The following C3orf20 variants were observed in gnomAD, a reference collection of about 807,000 sequenced individuals.
C3orf20 encodes the protein family with sequence similarity 149 member C.
A neutral mutation model predicts 88.3 loss-of-function variants in C3orf20; 76 were observed. The observed-to-expected ratio is 0.86, with a 90% CI of 0.72 to 1.04. The LOEUF (loss-of-function observed/expected upper bound fraction) is 1.04, where lower values mean the gene tolerates loss of function less well. Among genes scored for constraint, C3orf20 ranks in the 50% least tolerant of loss-of-function variants. The probability of loss-of-function intolerance (pLI) is 0.00; values close to 1 mark genes in which losing one functional copy is unlikely to be tolerated. For synonymous variants in C3orf20, 436 were observed against 437.4 expected (o/e 1.00, Z 0.04); for missense variants, 1,056 against 1,123.3 (o/e 0.94, Z 0.86).
chr3:14,726,867 G>A (rs1182340140), intron 10 of C3orf20, 34 bp from the exon 11 acceptor site: 1 of 1,612,900 alleles, frequency 6.2e-7, no homozygotes. Flanking sequence ...TTGAGGGGAT[G>A]GTGACACCCG....
chr3:14,711,627 C>A (rs200355552), intron 7 of C3orf20, among the ~76,000 whole-genome samples: 1 of 72,626 alleles, frequency 1.4e-5, no homozygotes, highest in East Asian at 4.5e-4. Flanking sequence ...ATCCTGCCAG[C>A]TTTTTTTTTT....
chr3:14,708,812 T>G (rs1344121698), intron 7 of C3orf20, among the ~76,000 whole-genome samples: 1 of 152,090 alleles, frequency 6.6e-6, no homozygotes, highest in African/African-American at 2.4e-5. Context: ...CCTGGCTAAT[T>G]TTTGTGTTTT....
chr3:14,694,407 C>G (rs2032876761), intron 5 of C3orf20, among the ~76,000 whole-genome samples: 1 of 152,062 alleles, frequency 6.6e-6, no homozygotes, highest in South Asian at 2.1e-4. Flanking sequence ...CTTCATGGCT[C>G]AGTTTTGATA....
chr3:14,752,885 TGGTG>T (rs1300114276), intron 12 of C3orf20, among the ~76,000 whole-genome samples: 1 of 152,242 alleles, frequency 6.6e-6, no homozygotes, highest in African/African-American at 2.4e-5. Context: ...TTTACACTAT[TGGTG>T]GGAGTGTAAA....
chr3:14,772,247 G>A lies in C3orf20; in HGVS notation c.2630+46G>A, dbSNP rs1257969833. ...CCAGAATGGGCGTGGCTCACAGCAG[G>A]CCACCTCGGGGCTATTTGGCCTTGG... On this transcript the variant is annotated intron_variant, in intron 16 of 16. Transcript: ENST00000253697. The surrounding 1 kb of genome is among the most constrained non-coding windows in gnomAD (Gnocchi z 4.2). The A allele has an allele frequency of 6.2e-7, 1 of 1,613,156 alleles. No individual in the cohort carries two copies. Among genetic ancestry groups the A allele is most frequent in the African/African-American group, 1.3e-5 (1 of 74,940 alleles).
rs1250320904 is a variant in C3orf20 at position 14,772,190 on chromosome 3, G to A, written c.2619G>A (p.Leu873=). 1.9e-6 allele frequency: 3 copies of A among 1,614,254 alleles called. No homozygotes were observed. The highest frequency in any genetic ancestry group is 2.2e-5 in the South Asian group (2 of 91,088). The change falls in exon 16 of 17, where the codon CTG becomes CTA. Residue 873 remains leucine, a synonymous_variant. Coordinates refer to ENST00000253697, the MANE Select transcript of C3orf20 (RefSeq NM_032137.5). This position sits in a 1 kb window ranked among gnomAD's most constrained non-coding sequence, Gnocchi z 4.2. ...ACTATGTGGAGAAGGAGTTATCTCT[G>A]GAGGCTGAGAAGTAGGTGACCACAT... ...LEDYVEKELS[L]EAEKTREPEV... is the part of the protein sequence containing the mutation.
At chr3:14,765,477 A>G (rs1273920874) in intron 15 of C3orf20, 1 of 152,200 alleles carries the variant, frequency 6.6e-6, no homozygotes, top group Non-Finnish European at 1.5e-5. Flanking sequence ...ATTGTTTTCT[A>G]TGTCCTCCGT....
chr3:14,761,378 C>T, intron 14 of C3orf20, 95 bp from the exon 15 acceptor site: 1 of 1,447,280 alleles, frequency 6.9e-7, no homozygotes, highest in South Asian at 1.2e-5. Context: ...GCCTGTGGCG[C>T]TGTTCTAGTG....
Position 14,720,539 on chromosome 3 carries a change from T to G in C3orf20, c.1435-1114T>G, listed in dbSNP as rs1054458157. 2.5e-4 allele frequency among the ~76,000 whole-genome samples: 6 copies of G among 24,160 alleles called. 1 individual carries two copies. Among genetic ancestry groups the G allele is most frequent in the African/African-American group, 7.5e-4 (6 of 7,986 alleles). 15.8% of individuals were successfully genotyped at this position (24,160 alleles called of 152,430 possible). The stretch of plus-strand genomic sequence containing the variant: ...AAGGAGCAAAGCAGAGAGTGGTTGT[T>G]GTTGTTGTTGTTGTTGTTGTTGTTG... On this transcript the variant is annotated intron_variant, in intron 9 of 16. Coordinates refer to ENST00000253697, the MANE Select transcript of C3orf20 (RefSeq NM_032137.5).
chr3:14,713,297 G>A (rs1329669997), intron 7 of C3orf20, among the ~76,000 whole-genome samples: 2 of 151,938 alleles, frequency 1.3e-5, no homozygotes, highest in African/African-American at 4.8e-5. Flanking sequence ...TCATATGTTG[G>A]TATGCTTGAT....
At chr3:14,766,381 G>A (rs2035702090) in intron 15 of C3orf20, among the ~76,000 whole-genome samples, 1 of 152,188 alleles carries the variant, frequency 6.6e-6, no homozygotes, top group Non-Finnish European at 1.5e-5. Context: ...GGGACTGAGG[G>A]AGCTCTGACA....
chr3:14,710,175 G>A (rs1210165966), intron 7 of C3orf20, among the ~76,000 whole-genome samples: 1 of 151,118 alleles, frequency 6.6e-6, no homozygotes, highest in Admixed American at 6.6e-5. Context: ...TTGTATCATT[G>A]TCTTAGGATT....
chr3:14,697,649 C>T lies in C3orf20; in HGVS notation c.746-5481C>T, dbSNP rs376720565. Among the ~76,000 whole-genome samples the T allele has an allele frequency of 2.7e-5, 4 of 149,508 alleles. No individual in the cohort carries two copies. The East Asian group carries it at 7.9e-4, about 29-fold the overall frequency. ...CATGTGCCATGTTGGTTTGCTGCAC[C>T]CCCCAACTCATCATTTACATTAGGT... On this transcript the variant is annotated intron_variant, in intron 5 of 16. Coordinates refer to ENST00000253697, the MANE Select transcript of C3orf20 (RefSeq NM_032137.5).
intron 5 of C3orf20, among the ~76,000 whole-genome samples, chr3:14,699,763 G>A (rs1276981071): frequency 8.5e-5 from 13 of 152,200 alleles, no homozygotes; most frequent in Admixed American, 7.8e-4. Flanking sequence ...GCCCCAGCTG[G>A]TGTCTCAGTA....
intron 8 of C3orf20, among the ~76,000 whole-genome samples, chr3:14,714,938 A>T (rs2033885874): frequency 6.6e-6 from 1 of 152,164 alleles, no homozygotes; most frequent in Non-Finnish European, 1.5e-5. Context: ...TTCATAAGGA[A>T]CTGTTCTTGG....
intron 12 of C3orf20, among the ~76,000 whole-genome samples, chr3:14,755,792 G>A (rs1236361530): frequency 6.6e-6 from 1 of 152,110 alleles, no homozygotes; most frequent in African/African-American, 2.4e-5. Context: ...CACTTTGGGA[G>A]GCCGAGGCGG....
At chr3:14,756,736 G>A (rs2035385095) in intron 12 of C3orf20, among the ~76,000 whole-genome samples, 1 of 152,226 alleles carries the variant, frequency 6.6e-6, no homozygotes, top group Admixed American at 6.5e-5. Context: ...CAGGAATGCT[G>A]GAGAGTAAGA....
chr3:14,704,440 G>A lies in C3orf20; in HGVS notation c.982G>A (p.Gly328Arg). The change falls in exon 7 of 17, where the codon GGA (glycine) becomes AGA (arginine). Residue 328 changes from glycine (G) to arginine (R), a missense_variant. Coordinates refer to ENST00000253697, the MANE Select transcript of C3orf20 (RefSeq NM_032137.5). ...MPSHLMLARK[G>R]DSQTPGLHYP... Reference sequence around the variant, plus strand: ...CTCTCATCTAATGTTGGCCCGCAAAGGAGACTCTCAGACCCCGGGTTTACA... The same window carrying A: ...CTCTCATCTAATGTTGGCCCGCAAAAGAGACTCTCAGACCCCGGGTTTACA... 1 of 1,614,152 alleles carries A rather than the reference G, an allele frequency of 6.2e-7. No individual in the cohort carries two copies.
At chr3:14,698,692 C>T (rs1441350866) in intron 5 of C3orf20, among the ~76,000 whole-genome samples, 2 of 152,116 alleles carry the variant, frequency 1.3e-5, no homozygotes, top group African/African-American at 4.8e-5. Context: ...CCTGTGGCCA[C>T]CACCACTGGG....
Sources: allele counts gnomAD v4.1 joint callset (sites outside exome capture counted in the v4.1 genomes callset), GRCh38; gene constraint gnomAD v4.1.1; non-coding constraint Gnocchi (gnomAD v3.1); transcripts MANE v1.5; gene names NCBI Gene and HGNC (gene_info 2026-07-23, HGNC 2026-07-21).